The following ANKRD28 variants were observed in gnomAD, a reference collection of about 807,000 sequenced individuals.
ANKRD28 encodes serine/threonine-protein phosphatase 6 regulatory ankyrin repeat subunit A.
Under a neutral mutation model 126.5 loss-of-function variants are expected in ANKRD28, and 44 were observed. The ratio of observed to expected loss-of-function variants is 0.35; its 90% CI spans 0.27 to 0.45. The LOEUF is 0.45. Ranked by LOEUF, ANKRD28 falls within the 20% of genes least tolerant of loss-of-function variation. The pLI is 1.00. For synonymous variants in ANKRD28, 442 were observed against 468.5 expected (o/e 0.94, Z 0.73); for missense variants, 1,110 against 1,316.6 (o/e 0.84, Z 2.43).
rs528666994 is a variant in ANKRD28 at position 15,694,722 on chromosome 3, A to G, written c.1761+17T>C. The G allele has an allele frequency of 2.6e-5, 42 of 1,607,834 alleles. No homozygotes were observed. The South Asian group carries it at 4.4e-4, about 17-fold the overall frequency. ...TAAACCAGCAGCCATCAAGTCGGCTATGAAGGCAGTACTCACAGCCAAGTG... is the reference window on the plus strand; with the variant it reads ...TAAACCAGCAGCCATCAAGTCGGCTGTGAAGGCAGTACTCACAGCCAAGTG... On this transcript the variant is annotated intron_variant, in intron 17 of 27. Transcript: ENST00000683139.
chr3:15,841,061 C>A (rs1022364927), intron 1 of ANKRD28, among the ~76,000 whole-genome samples: 12 of 152,150 alleles, frequency 7.9e-5, no homozygotes, highest in African/African-American at 2.4e-5. Context: ...CTGCTTGAAC[C>A]TGGGAGGCAG....
chr3:15,758,705 T>C (rs192070220), intron 3 of ANKRD28, among the ~76,000 whole-genome samples: 56 of 152,302 alleles, frequency 3.7e-4, no homozygotes, highest in Non-Finnish European at 7.2e-4. Context: ...GATCTCAGAC[T>C]TACAGCCTCC....
intron 3 of ANKRD28, among the ~76,000 whole-genome samples, chr3:15,765,416 TCTA>T (rs1373333616): frequency 6.6e-6 from 1 of 152,098 alleles, no homozygotes; most frequent in African/African-American, 2.4e-5. Context: ...TCAAAATATA[TCTA>T]CTATCAGACT....
chr3:15,750,110 T>G (rs1406220726), intron 4 of ANKRD28, among the ~76,000 whole-genome samples: 1 of 152,240 alleles, frequency 6.6e-6, no homozygotes, highest in Non-Finnish European at 1.5e-5. Flanking sequence ...TCCTTTAATG[T>G]TAATTTTTCT....
rs2066168982 is a variant in ANKRD28, at chr3:15,669,650, A to G, written c.*620T>C. On this transcript the variant is annotated 3_prime_UTR_variant, in exon 28 of 28. Coordinates refer to ENST00000683139, the MANE Select transcript of ANKRD28 (RefSeq NM_001349278.2). ...GCTTTCTCTCATGGTTTAATACAGCATTGGAAGGCTTTCAGATGTTTTCTT... is the reference window on the plus strand; with the variant it reads ...GCTTTCTCTCATGGTTTAATACAGCGTTGGAAGGCTTTCAGATGTTTTCTT... The G allele has an allele frequency of 6.6e-6, 1 of 152,392 alleles. No homozygotes were observed. 9.4% of individuals were successfully genotyped at this position (152,392 alleles called of 1,614,324 possible). A position where few individuals can be genotyped will look rare whatever the true frequency, so the allele number is the denominator to read the frequency against.
At chr3:15,733,227 C>G (rs1205977795) in intron 6 of ANKRD28, 1 of 152,234 alleles carries the variant, frequency 6.6e-6, no homozygotes, top group Middle Eastern at 3.1e-3. Flanking sequence ...CAGATTACTT[C>G]AGGTTCTTGC....
intron 10 of ANKRD28, 123 bp from the exon 11 acceptor site, chr3:15,712,345 G>C: frequency 1.3e-6 from 1 of 768,292 alleles, no homozygotes; most frequent in Non-Finnish European, 2.2e-6. Flanking sequence ...CTAACACTTC[G>C]GAGAGTAATT....
At chr3:15,849,280 G>A (rs952911185) in intron 1 of ANKRD28, among the ~76,000 whole-genome samples, 1 of 152,114 alleles carries the variant, frequency 6.6e-6, no homozygotes, top group Non-Finnish European at 1.5e-5. Context: ...TGTCTTTCTG[G>A]AAGAAATTGA....
chr3:15,805,955 G>C (rs17041536), intron 1 of ANKRD28, among the ~76,000 whole-genome samples: 6,173 of 151,444 alleles, frequency 0.041, 406 homozygotes, highest in African/African-American at 0.14. Context: ...CTATCGTTTG[G>C]GAAATACTAA....
At chr3:15,673,771 T>A (rs1252516548) in intron 27 of ANKRD28, among the ~76,000 whole-genome samples, 1 of 152,140 alleles carries the variant, frequency 6.6e-6, no homozygotes, top group Non-Finnish European at 1.5e-5. Context: ...AAGATCACAA[T>A]GCATGTATAA....
At chr3:15,732,249 A>AATGC (rs1418028443) in intron 6 of ANKRD28, 3 of 152,284 alleles carry the variant, frequency 2.0e-5, no homozygotes, top group East Asian at 3.8e-4. Flanking sequence ...GGAGGGGGAG[A>AATGC]ATGCACAGTC....
intron 1 of ANKRD28, among the ~76,000 whole-genome samples, chr3:15,848,450 G>T (rs2061571545): frequency 6.6e-6 from 1 of 152,114 alleles, no homozygotes. Context: ...CAAGGTAGGA[G>T]GATCACTTGA....
At chr3:15,758,534 A>G (rs916602168) in intron 3 of ANKRD28, among the ~76,000 whole-genome samples, 1 of 152,188 alleles carries the variant, frequency 6.6e-6, no homozygotes, top group African/African-American at 2.4e-5. Context: ...GGTGGGCCCT[A>G]ATACAGTATG....
intron 1 of ANKRD28, among the ~76,000 whole-genome samples, chr3:15,826,399 TA>T (rs2061068104): frequency 6.6e-6 from 1 of 152,112 alleles, no homozygotes; most frequent in African/African-American, 2.4e-5. Flanking sequence ...AAAGCAGTGA[TA>T]AAAAGATACA....
chr3:15,741,927 C>T (rs1402299817), intron 4 of ANKRD28, among the ~76,000 whole-genome samples: 12 of 151,470 alleles, frequency 7.9e-5, no homozygotes, highest in Non-Finnish European at 1.2e-4. Flanking sequence ...TTGGTGGAGA[C>T]GGGGTTTCGC....
At chr3:15,855,858 G>T (rs906312904) in intron 1 of ANKRD28, among the ~76,000 whole-genome samples, 1 of 152,134 alleles carries the variant, frequency 6.6e-6, no homozygotes, top group Non-Finnish European at 1.5e-5. Flanking sequence ...TGGTGATAAT[G>T]GTTTGCCCAG....
At chr3:15,852,254 G>C (rs2061668520) in intron 1 of ANKRD28, among the ~76,000 whole-genome samples, 1 of 152,130 alleles carries the variant, frequency 6.6e-6, no homozygotes, top group Non-Finnish European at 1.5e-5. Flanking sequence ...TATAGAAATT[G>C]TTCAAGAGAA....
intron 1 of ANKRD28, among the ~76,000 whole-genome samples, chr3:15,857,400 G>A (rs1169365320): frequency 6.6e-6 from 1 of 152,046 alleles, no homozygotes; most frequent in African/African-American, 2.4e-5. Context: ...TTCTCCTGTC[G>A]CAGCCTCCAG....
At chr3:15,695,685 C>A (rs1685522897) in intron 15 of ANKRD28, among the ~76,000 whole-genome samples, 1 of 152,044 alleles carries the variant, frequency 6.6e-6, no homozygotes, top group African/African-American at 2.4e-5. Context: ...CAGAATCAGA[C>A]CACAGCAGAA....
Sources: gnomAD v4.1 joint callset for allele counts (sites outside exome capture counted in the v4.1 genomes callset) on GRCh38, gnomAD v4.1.1 for gene constraint, MANE v1.5 for transcripts, NCBI Gene and HGNC (gene_info 2026-07-23, HGNC 2026-07-21) for gene names.